The following B4GALT6 variants were observed in gnomAD, a reference collection of about 807,000 sequenced individuals.
The protein encoded by B4GALT6 is UDP-Gal:beta-GlcNAc beta-1,4-galactosyltransferase 6.
B4GALT6 carries 14 observed loss-of-function variants against 46.3 expected under a neutral mutation model. That is an observed-to-expected ratio of 0.30 (90% CI 0.20 to 0.47). The LOEUF (loss-of-function observed/expected upper bound fraction) is 0.47. B4GALT6 is among the 20% of genes least tolerant of loss of function. The pLI, the probability that B4GALT6 is intolerant of heterozygous loss-of-function variation, is 0.99. For missense variants in B4GALT6, 386 were observed against 480.1 expected (o/e 0.80, Z 1.83); for synonymous variants, 168 against 162.0 (o/e 1.04, Z -0.28).
the B4GALT6 span, among the ~76,000 whole-genome samples, chr18:31,704,228 T>TC: frequency 3.3e-5 from 5 of 151,774 alleles, no homozygotes; most frequent in Non-Finnish European, 7.4e-5. Flanking sequence ...GAGATTTTTT[T>TC]TTTTTTTTGA....
chr18:31,670,909 A>G (rs2074346600), intron 1 of B4GALT6, among the ~76,000 whole-genome samples: 1 of 151,522 alleles, frequency 6.6e-6, no homozygotes, highest in East Asian at 1.9e-4. Flanking sequence ...CTAGTCCCCC[A>G]ACCCCCGAGA....
intron 8 of B4GALT6, 141 bp from the exon 9 acceptor site, chr18:31,625,902 ATC>A: frequency 1.4e-6 from 1 of 695,848 alleles, no homozygotes; most frequent in Non-Finnish European, 2.1e-6. Flanking sequence ...TAATTTAAGA[ATC>A]TCTAAACCAT....
At chr18:31,716,133 T>C in the B4GALT6 span, among the ~76,000 whole-genome samples, 1 of 152,138 alleles carries the variant, frequency 6.6e-6, no homozygotes, top group African/African-American at 2.4e-5. Flanking sequence ...GGGATGGCAA[T>C]GATGAGGGAG....
At chr18:31,639,648 C>T (rs1362206111) in intron 4 of B4GALT6, among the ~76,000 whole-genome samples, 1 of 152,032 alleles carries the variant, frequency 6.6e-6, no homozygotes, top group African/African-American at 2.4e-5. Context: ...ATGTAAGCAG[C>T]ACAGACATTT....
the B4GALT6 span, among the ~76,000 whole-genome samples, chr18:31,703,323 A>AG: frequency 3.3e-5 from 5 of 152,080 alleles, no homozygotes; most frequent in African/African-American, 1.2e-4. Context: ...GGGTCTGAGG[A>AG]GAAAAAAAAA....
At chr18:31,665,540 C>A (rs1036261199) in intron 2 of B4GALT6, among the ~76,000 whole-genome samples, 4 of 151,946 alleles carry the variant, frequency 2.6e-5, no homozygotes, top group Admixed American at 6.6e-5. Flanking sequence ...GAGATTGAGA[C>A]CATCTTGGCT....
chr18:31,657,729 G>T (rs1479159379), intron 3 of B4GALT6, among the ~76,000 whole-genome samples: 1 of 152,144 alleles, frequency 6.6e-6, no homozygotes, highest in Admixed American at 6.5e-5. Context: ...AAAACTGGTT[G>T]GGAACAATAT....
chr18:31,651,994 T>C (rs563110067), intron 3 of B4GALT6, among the ~76,000 whole-genome samples: 1 of 152,174 alleles, frequency 6.6e-6, no homozygotes, highest in South Asian at 2.1e-4. Flanking sequence ...ATGGTCTCGA[T>C]CTCCTGACCT....
upstream of B4GALT6, chr18:31,684,757 C>T: frequency 1.8e-6 from 2 of 1,081,388 alleles, no homozygotes; most frequent in African/African-American, 1.6e-5. Flanking sequence ...CTCCGCCAAG[C>T]AGCGGCGGGA....
At chr18:31,700,556 G>A in the B4GALT6 span, among the ~76,000 whole-genome samples, 26 of 151,742 alleles carry the variant, frequency 1.7e-4, no homozygotes, top group South Asian at 8.4e-4. Flanking sequence ...TCCCAGGTTC[G>A]CGCCATTCTC....
chr18:31,648,542 G>C (rs556371079), intron 3 of B4GALT6, among the ~76,000 whole-genome samples: 35 of 152,162 alleles, frequency 2.3e-4, no homozygotes, highest in Admixed American at 6.5e-4. Flanking sequence ...CATGTGTGAG[G>C]GTAACTTAGT....
intron 1 of B4GALT6, among the ~76,000 whole-genome samples, chr18:31,679,447 G>A (rs1402844427): frequency 6.6e-6 from 1 of 152,208 alleles, no homozygotes; most frequent in Non-Finnish European, 1.5e-5. Context: ...TGGACCCAAT[G>A]ACTCTTGTAA....
At chr18:31,625,824 G>T (rs2144470022) in intron 8 of B4GALT6, 63 bp from the exon 9 acceptor site, 1 of 1,396,160 alleles carries the variant, frequency 7.2e-7, no homozygotes. Flanking sequence ...AAACTGATAA[G>T]GACTGTGTTC....
At chr18:31,666,035 T>G (rs2074278428) in intron 2 of B4GALT6, among the ~76,000 whole-genome samples, 1 of 152,238 alleles carries the variant, frequency 6.6e-6, no homozygotes, top group Non-Finnish European at 1.5e-5. Flanking sequence ...AAGAATTAAC[T>G]TAAGTGTCTG....
intron 6 of B4GALT6, among the ~76,000 whole-genome samples, chr18:31,630,417 GTTTT>G (rs572054741): frequency 4.1e-5 from 6 of 147,484 alleles, no homozygotes; most frequent in Admixed American, 4.1e-4. Context: ...AAAGATTTGG[GTTTT>G]TTTTTTTTAT....
the B4GALT6 span, among the ~76,000 whole-genome samples, chr18:31,717,902 C>T: frequency 1.4e-5 from 2 of 143,072 alleles, no homozygotes. Context: ...TGTGGTGAGC[C>T]GAGATCGTGC....
chr18:31,676,915 T>A (rs2074421265), intron 1 of B4GALT6, among the ~76,000 whole-genome samples: 1 of 152,206 alleles, frequency 6.6e-6, no homozygotes, highest in Admixed American at 6.5e-5. Context: ...AACTATTTCT[T>A]GTAGTAATTC....
chr18:31,722,572 G>A, the B4GALT6 span, among the ~76,000 whole-genome samples: 141 of 152,264 alleles, frequency 9.3e-4, no homozygotes, highest in African/African-American at 3.2e-3. Flanking sequence ...AGGCGGCTTT[G>A]AGAAGTGCTT....
the B4GALT6 span, among the ~76,000 whole-genome samples, chr18:31,720,702 C>T: frequency 6.6e-6 from 1 of 152,152 alleles, no homozygotes; most frequent in Admixed American, 6.6e-5. Context: ...GCACGTGTGT[C>T]ACCCTGCTCA....
Sources: gnomAD v4.1 joint callset for allele counts (sites outside exome capture counted in the v4.1 genomes callset) on GRCh38, gnomAD v4.1.1 for gene constraint, MANE v1.5 for transcripts, NCBI Gene and HGNC (gene_info 2026-07-23, HGNC 2026-07-21) for gene names.